Variants in IL1RAPL2 observed in about 807,000 individuals in gnomAD.
IL1RAPL2 encodes the protein interleukin 1 receptor accessory protein like 2.
In IL1RAPL2, 3 loss-of-function variants were observed where a neutral mutation model predicts 44.1. The observed-to-expected ratio is 0.07, with a 90% confidence interval of 0.03 to 0.18. The LOEUF (loss-of-function observed/expected upper bound fraction) is 0.18. Among genes scored for constraint, IL1RAPL2 ranks in the 10% least tolerant of loss-of-function variants. The pLI is 1.00. For synonymous variants in IL1RAPL2, 181 were observed against 178.8 expected, an observed-to-expected ratio of 1.01 and a Z score of -0.10; for missense variants, 391 against 496.4, an observed-to-expected ratio of 0.79 and a Z score of 2.02.
At chrX:104,660,050 C>G (rs1335327030) in intron 2 of IL1RAPL2, among the ~76,000 whole-genome samples, 1 of 111,612 alleles carries the variant, frequency 9.0e-6, no homozygotes, top group Non-Finnish European at 1.9e-5. Flanking sequence ...CTGCTGAAGT[C>G]CAAAGGATCC....
intron 5 of IL1RAPL2, among the ~76,000 whole-genome samples, chrX:105,281,878 T>C (rs2034535456): frequency 9.0e-6 from 1 of 111,248 alleles, no homozygotes; most frequent in African/African-American, 3.3e-5. Context: ...TACAGGAAAG[T>C]TTTCAAAGGT....
At chrX:105,009,000 G>T (rs1480451515) in intron 2 of IL1RAPL2, among the ~76,000 whole-genome samples, 1 of 112,098 alleles carries the variant, frequency 8.9e-6, no homozygotes, top group African/African-American at 3.2e-5. Flanking sequence ...ATGAAAAACT[G>T]CTCATCATCA....
intron 1 of IL1RAPL2, among the ~76,000 whole-genome samples, chrX:104,651,420 C>T (rs1930150396): frequency 8.9e-6 from 1 of 111,932 alleles, no homozygotes; most frequent in Non-Finnish European, 1.9e-5. Flanking sequence ...TGAATATGAT[C>T]ACATAATGTC....
intron 5 of IL1RAPL2, among the ~76,000 whole-genome samples, chrX:105,440,085 TG>T (rs998429884): frequency 6.3e-5 from 7 of 111,841 alleles, no homozygotes; most frequent in Non-Finnish European, 1.1e-4. Flanking sequence ...AATGACAGTA[TG>T]TGAAGGGTTA....
intron 6 of IL1RAPL2, among the ~76,000 whole-genome samples, chrX:105,590,839 G>T (rs750111180): frequency 3.3e-4 from 34 of 103,491 alleles, no homozygotes; most frequent in African/African-American, 1.2e-3. Flanking sequence ...GTGTGTGTGT[G>T]TGTGTGTGTT....
At chrX:105,464,518 T>C (rs1602424178) in intron 5 of IL1RAPL2, among the ~76,000 whole-genome samples, 1 of 111,634 alleles carries the variant, frequency 9.0e-6, no homozygotes, top group South Asian at 3.7e-4. Flanking sequence ...ATCAAACTTC[T>C]AAATGAATAC....
chrX:105,007,743 T>C (rs1007965205), intron 2 of IL1RAPL2, among the ~76,000 whole-genome samples: 4 of 111,493 alleles, frequency 3.6e-5, no homozygotes, highest in Non-Finnish European at 3.8e-5. Flanking sequence ...TTTCTTGAAA[T>C]GTACTTTTTA....
chrX:105,157,134 C>CT (rs1022055531), intron 2 of IL1RAPL2, among the ~76,000 whole-genome samples: 1 of 108,033 alleles, frequency 9.3e-6, no homozygotes, highest in Non-Finnish European at 1.9e-5. Flanking sequence ...AAGATCTTTC[C>CT]TTTTTTTAAA....
At chrX:105,651,041 T>C (rs1295746201) in intron 6 of IL1RAPL2, among the ~76,000 whole-genome samples, 1 of 112,032 alleles carries the variant, frequency 8.9e-6, no homozygotes, top group African/African-American at 3.2e-5. Flanking sequence ...TAGGCGGATA[T>C]ATGCTCTTTT....
At chrX:105,761,340 T>C (rs1205133749) in intron 10 of IL1RAPL2, among the ~76,000 whole-genome samples, 1 of 108,172 alleles carries the variant, frequency 9.2e-6, no homozygotes, top group African/African-American at 3.4e-5. Flanking sequence ...AGAGACAGAA[T>C]CAAGACCTAA....
At chrX:105,219,631 G>A (rs782696967) in intron 3 of IL1RAPL2, 20 of 1,209,989 alleles carry the variant, frequency 1.7e-5, no homozygotes, top group Non-Finnish European at 2.1e-5. Context: ...TTTTCCTCCA[G>A]CAGCACCAGC....
intron 2 of IL1RAPL2, among the ~76,000 whole-genome samples, chrX:104,766,017 C>A (rs1480083440): frequency 8.9e-6 from 1 of 112,026 alleles, no homozygotes; most frequent in Non-Finnish European, 1.9e-5. Context: ...TCATCCAGGC[C>A]TTGTTTTTAG....
intron 6 of IL1RAPL2, among the ~76,000 whole-genome samples, chrX:105,567,510 G>A (rs1351981810): frequency 8.9e-6 from 1 of 112,080 alleles, no homozygotes; most frequent in Non-Finnish European, 1.9e-5. Context: ...TTTGTCAGAT[G>A]AGTATAAGAG....
chrX:105,759,777 C>T (rs1215023056), intron 10 of IL1RAPL2, among the ~76,000 whole-genome samples: 1 of 112,105 alleles, frequency 8.9e-6, no homozygotes, highest in African/African-American at 3.2e-5. Flanking sequence ...CTAGAGAATA[C>T]ATCTGGTGTC....
intron 2 of IL1RAPL2, among the ~76,000 whole-genome samples, chrX:104,966,356 G>A (rs2030123120): frequency 9.0e-6 from 1 of 110,960 alleles, no homozygotes; most frequent in African/African-American, 3.3e-5. Flanking sequence ...AAAATATAGG[G>A]GCAGTAGAAA....
chrX:104,824,641 C>A (rs1023473543), intron 2 of IL1RAPL2, among the ~76,000 whole-genome samples: 2 of 111,557 alleles, frequency 1.8e-5, no homozygotes, highest in Admixed American at 9.5e-5. Flanking sequence ...AGGAATTTAT[C>A]CATTTCTTCT....
At chrX:105,402,635 G>C (rs2035614108) in intron 5 of IL1RAPL2, among the ~76,000 whole-genome samples, 1 of 111,247 alleles carries the variant, frequency 9.0e-6, no homozygotes, top group African/African-American at 3.3e-5. Context: ...CTTTGGCTTT[G>C]ATTAAAATTA....
chrX:104,996,047 A>G (rs1003439678), intron 2 of IL1RAPL2, among the ~76,000 whole-genome samples: 38 of 111,823 alleles, frequency 3.4e-4, no homozygotes, highest in African/African-American at 1.2e-3. Context: ...TATCAGAGCA[A>G]TACATAGTGT....
intron 6 of IL1RAPL2, among the ~76,000 whole-genome samples, chrX:105,698,759 T>C (rs969829705): frequency 9.8e-5 from 11 of 112,126 alleles, no homozygotes; most frequent in African/African-American, 3.2e-4. Flanking sequence ...TAAAAGAAAA[T>C]TGAGAGAAAA....
Sources: allele counts gnomAD v4.1 joint callset (sites outside exome capture counted in the v4.1 genomes callset), GRCh38; gene constraint gnomAD v4.1.1; transcripts MANE v1.5; gene names NCBI Gene and HGNC (gene_info 2026-07-23, HGNC 2026-07-21).